Variants in AGFG1 observed in about 807,000 individuals in gnomAD.
AGFG1 encodes ArfGAP with FG repeats 1, also known as arf-GAP domain and FG repeat-containing protein 1.
AGFG1 carries 10 observed loss-of-function variants against 60.6 expected under a neutral mutation model. That is an observed-to-expected ratio of 0.16 (90% CI 0.10 to 0.28). The LOEUF (loss-of-function observed/expected upper bound fraction) is 0.28. Ranked by LOEUF, AGFG1 falls within the 10% of genes least tolerant of loss-of-function variation. The pLI is 1.00. For missense variants in AGFG1, 537 were observed against 676.5 expected (o/e 0.79, Z 2.29); for synonymous variants, 247 against 242.9 (o/e 1.02, Z -0.16).
Position 227,523,852 on chromosome 2 carries a change from A to T in AGFG1, c.467A>T (p.Glu156Val). ...GCCAGTAGCACAAGCAGCACACCTG[A>T]GGTCAAACCACTGAAATCTCTTTTA... The part of the protein sequence containing the change: ...SSASSTSSTP[E>V]VKPLKSLLGD... The change falls in exon 4 of 13, where the codon GAG becomes GTG. Residue 156 changes from glutamate (E) to valine (V), a missense_variant. By Grantham distance (121) the Glu-to-Val change is moderately radical. Transcript: ENST00000310078. 6.2e-7 allele frequency: 1 copy of T among 1,613,988 alleles called. No individual in the cohort carries two copies. Among genetic ancestry groups the T allele is most frequent in the Non-Finnish European group, 8.5e-7 (1 of 1,179,956 alleles).
intron 10 of AGFG1, among the ~76,000 whole-genome samples, chr2:227,546,525 G>GT (rs1692653925): frequency 6.6e-6 from 1 of 152,190 alleles, no homozygotes; most frequent in African/African-American, 2.4e-5. Context: ...GATGAACCCA[G>GT]TACCTCAGTT....
intron 8 of AGFG1, among the ~76,000 whole-genome samples, chr2:227,536,062 C>T (rs111477885): frequency 0.049 from 7,398 of 151,916 alleles, 249 homozygotes; most frequent in African/African-American, 0.1. Flanking sequence ...GGTACATGTG[C>T]ACAACGTGCA....
At chr2:227,518,021 T>G (rs979451023) in intron 2 of AGFG1, among the ~76,000 whole-genome samples, 2 of 152,208 alleles carry the variant, frequency 1.3e-5, no homozygotes, top group Non-Finnish European at 2.9e-5. Flanking sequence ...TGTAGACTGG[T>G]TTACATTAAA....
chr2:227,533,821 A>G (rs1163851000), intron 7 of AGFG1, 63 bp downstream of exon 7: 1 of 1,444,464 alleles, frequency 6.9e-7, no homozygotes, highest in Non-Finnish European at 9.5e-7. Context: ...ATTTGGTTGT[A>G]TTTATTAAAA....
chr2:227,532,022 C>T (rs1692177642), intron 6 of AGFG1: 4 of 740,728 alleles, frequency 5.4e-6, no homozygotes, highest in Non-Finnish European at 8.2e-6. Flanking sequence ...AGATTTTTGG[C>T]TGATTACTTT....
chr2:227,498,092 A>G (rs1002508946), intron 2 of AGFG1, among the ~76,000 whole-genome samples: 4 of 152,072 alleles, frequency 2.6e-5, no homozygotes, highest in African/African-American at 9.7e-5. Context: ...CATTTTGAAA[A>G]TTGATGTATT....
At chr2:227,485,778 T>C (rs1298011156) in intron 1 of AGFG1, among the ~76,000 whole-genome samples, 1 of 152,220 alleles carries the variant, frequency 6.6e-6, no homozygotes. Context: ...TAAATTTGCC[T>C]CATTCTGATA....
At chr2:227,507,640 A>T (rs1691364862) in intron 2 of AGFG1, among the ~76,000 whole-genome samples, 1 of 147,870 alleles carries the variant, frequency 6.8e-6, no homozygotes, top group Non-Finnish European at 1.5e-5. Flanking sequence ...CCTTTTCACT[A>T]ATTTTTTTTG....
At chr2:227,507,091 T>C (rs952898799) in intron 2 of AGFG1, among the ~76,000 whole-genome samples, 1 of 152,164 alleles carries the variant, frequency 6.6e-6, no homozygotes, top group Non-Finnish European at 1.5e-5. Flanking sequence ...AAAATGGTGA[T>C]AGTCTAACTC....
chr2:227,478,282 A>G (rs1281900858), intron 1 of AGFG1, among the ~76,000 whole-genome samples: 3 of 150,626 alleles, frequency 2.0e-5, no homozygotes, highest in Non-Finnish European at 4.4e-5. Flanking sequence ...ATATACATGT[A>G]TCTATTATAT....
rs111250765 is a variant in AGFG1 at position 227,540,633 on chromosome 2, G to A, written c.1378+3640G>A. Among the ~76,000 whole-genome samples the A allele has an allele frequency of 5.3e-5, 8 of 152,112 alleles. No homozygotes were observed. In the South Asian group the frequency reaches 6.2e-4, roughly 12 times the overall value. On this transcript the variant is annotated intron_variant, in intron 10 of 12. Coordinates refer to ENST00000310078, the MANE Select transcript of AGFG1 (RefSeq NM_004504.5). ...GGGTTGGTTCCACGTCTTTGCTATC[G>A]TGAATAGTGCCGCAGTAAACGTACG...
chr2:227,507,417 A>G (rs1466985622), intron 2 of AGFG1, among the ~76,000 whole-genome samples: 1 of 152,104 alleles, frequency 6.6e-6, no homozygotes, highest in East Asian at 1.9e-4. Context: ...CTTGGCTAAC[A>G]TGGTGAAATC....
chr2:227,524,617 A>G, intron 4 of AGFG1, 145 bp from the exon 5 acceptor site: 1 of 841,824 alleles, frequency 1.2e-6, no homozygotes, highest in Admixed American at 2.7e-5. Flanking sequence ...GTTTTCACAA[A>G]AGATTGAGTG....
intron 10 of AGFG1, among the ~76,000 whole-genome samples, chr2:227,551,648 CTT>C (rs1235196002): frequency 6.6e-6 from 1 of 152,092 alleles, no homozygotes. Flanking sequence ...ATTGCATGAT[CTT>C]TAAAACACAA....
In AGFG1 at chr2:227,556,954, G is replaced by A. The variant is rs1692986221; in HGVS notation, c.*2459G>A. ...TCTCTAAAAAATGAAAAAAAGAAGA[G>A]AGGTAGCTTTAAAGTGGTTTTTCTC... On this transcript the variant is annotated 3_prime_UTR_variant, in exon 13 of 13. Coordinates refer to ENST00000310078, the MANE Select transcript of AGFG1 (RefSeq NM_004504.5). The A allele has an allele frequency of 6.6e-6, 1 of 152,132 alleles. No homozygotes were observed. Among genetic ancestry groups the A allele is most frequent in the South Asian group, 2.1e-4 (1 of 4,832 alleles). The allele number at this position is 152,132 out of a possible 1,614,324, so 9.4% of individuals were successfully genotyped here. A position where few individuals can be genotyped will look rare whatever the true frequency, so the allele number is the denominator to read the frequency against.
chr2:227,552,258 T>C, intron 11 of AGFG1, 141 bp downstream of exon 11: 2 of 1,077,272 alleles, frequency 1.9e-6, no homozygotes, highest in Non-Finnish European at 2.5e-6. Flanking sequence ...ATAAAAGCCT[T>C]TGGTGATTTG....
At chr2:227,519,654 G>A (rs975511912) in intron 2 of AGFG1, among the ~76,000 whole-genome samples, 5 of 152,178 alleles carry the variant, frequency 3.3e-5, no homozygotes, top group African/African-American at 1.2e-4. Context: ...CAGGTTACAT[G>A]ACTTTGCTAA....
chr2:227,518,911 G>T (rs1221491035), intron 2 of AGFG1, among the ~76,000 whole-genome samples: 1 of 152,142 alleles, frequency 6.6e-6, no homozygotes, highest in East Asian at 1.9e-4. Context: ...GGTGGCTCGC[G>T]CCTGTAATCC....
chr2:227,554,662 G>T lies in AGFG1; in HGVS notation c.*167G>T. Reference sequence around the variant, plus strand: ...CCAGGTAATATGTGCAAAACCGAGGGCTCCAGTAACACCTTCTAACCTGTG... The same window carrying T: ...CCAGGTAATATGTGCAAAACCGAGGTCTCCAGTAACACCTTCTAACCTGTG... On this transcript the variant is annotated 3_prime_UTR_variant, in exon 13 of 13. Transcript: ENST00000310078. The T allele has an allele frequency of 1.8e-6, 1 of 541,796 alleles. No homozygotes were observed. The highest frequency in any genetic ancestry group is 3.2e-6 in the Non-Finnish European group (1 of 308,324). 33.6% of individuals were successfully genotyped at this position (541,796 alleles called of 1,614,324 possible).
Sources: gnomAD v4.1 joint callset for allele counts (sites outside exome capture counted in the v4.1 genomes callset) on GRCh38, gnomAD v4.1.1 for gene constraint, MANE v1.5 for transcripts, NCBI Gene and HGNC (gene_info 2026-07-23, HGNC 2026-07-21) for gene names.